ACTL6A: variants seen among roughly 807,000 people sequenced by gnomAD.
ACTL6A encodes the protein actin-like protein 6A.
ACTL6A carries 5 observed loss-of-function variants against 59.2 expected under a neutral mutation model. The ratio of observed to expected loss-of-function variants is 0.08; its 90% CI spans 0.04 to 0.18. The LOEUF (loss-of-function observed/expected upper bound fraction) is 0.18, where lower values mean the gene tolerates loss of function less well. Among genes scored for constraint, ACTL6A ranks in the 10% least tolerant of loss-of-function variants. The pLI, the probability that ACTL6A is intolerant of heterozygous loss-of-function variation, is 1.00. For missense variants in ACTL6A, 285 were observed against 526.9 expected, an observed-to-expected ratio of 0.54 and a Z score of 4.49; for synonymous variants, 154 against 171.8, an observed-to-expected ratio of 0.90 and a Z score of 0.81.
At position 179,573,420 on chromosome 3, in the gene ACTL6A, A is replaced by G; in HGVS notation, c.329A>G (p.His110Arg). ...QAILDHTYKM[H>R]VKSEASLHPV... The stretch of plus-strand genomic sequence containing the variant: ...ATTTTGGATCATACCTACAAAATGC[A>G]TGTCAAATCAGAAGCCAGTCTCCAT... The change falls in exon 4 of 14, where the codon CAT becomes CGT. Residue 110 changes from histidine to arginine, a missense_variant. His to Arg is a conservative substitution (Grantham distance 29). Transcript: ENST00000429709. 2.5e-6 allele frequency: 4 copies of G among 1,590,848 alleles called. No individual in the cohort carries two copies. Among genetic ancestry groups the G allele is most frequent in the Non-Finnish European group, 3.4e-6 (4 of 1,171,604 alleles).
intron 6 of ACTL6A, 99 bp downstream of exon 6, chr3:179,576,410 G>A (rs1355751502): frequency 1.0e-6 from 1 of 990,120 alleles, no homozygotes; most frequent in Non-Finnish European, 1.5e-6. Flanking sequence ...AAGCATATCA[G>A]TTTCTGAATA....
chr3:179,576,201 T>C lies in ACTL6A; in HGVS notation c.477-16T>C. The C allele has an allele frequency of 6.2e-7, 1 of 1,600,918 alleles. No homozygotes were observed. ...AGCGGCCTTGATACTTTCTTTTCCT[T>C]AATGTTTTAAACTAGATTTGCTAAT... On this transcript the variant is annotated splice_polypyrimidine_tract_variant and intron_variant, in intron 5 of 13. Coordinates refer to ENST00000429709, the MANE Select transcript of ACTL6A (RefSeq NM_004301.5).
chr3:179,567,718 G>A (rs1295300088), intron 1 of ACTL6A, among the ~76,000 whole-genome samples: 1 of 152,154 alleles, frequency 6.6e-6, no homozygotes, highest in Non-Finnish European at 1.5e-5. Context: ...GTGCTGTGGT[G>A]AAAACAAATA....
chr3:179,576,775 A>G (rs1718178906), intron 7 of ACTL6A, 49 bp downstream of exon 7: 2 of 1,607,962 alleles, frequency 1.2e-6, no homozygotes, highest in African/African-American at 1.3e-5. Context: ...TAGCTCCCCC[A>G]CCCCTATGAA....
chr3:179,586,257 T>A (rs920619332), intron 12 of ACTL6A, among the ~76,000 whole-genome samples: 8 of 152,186 alleles, frequency 5.3e-5, no homozygotes, highest in African/African-American at 1.9e-4. Context: ...ATGCTTGTTA[T>A]CTTGGCTATT....
At chr3:179,573,507 G>GTTTTTTTTTTTTTTTT in intron 4 of ACTL6A, 38 bp downstream of exon 4, 1 of 962,820 alleles carries the variant, frequency 1.0e-6, no homozygotes, top group South Asian at 2.1e-5. Flanking sequence ...TTCTCTAGTT[G>GTTTTTTTTTTTTTTTT]TTTTTTTTTT....
At chr3:179,581,652 CTACTTTT>C (rs1718342503) in intron 11 of ACTL6A, among the ~76,000 whole-genome samples, 1 of 152,134 alleles carries the variant, frequency 6.6e-6, no homozygotes, top group African/African-American at 2.4e-5. Flanking sequence ...AGCACAACTT[CTACTTTT>C]ATTTTTCAGG....
In ACTL6A at chr3:179,563,390, C is replaced by G. The variant is rs559690550; in HGVS notation, c.25+273C>G. 5.3e-5 allele frequency among the ~76,000 whole-genome samples: 8 copies of G among 152,314 alleles called. No individual in the cohort carries two copies. In the South Asian group the frequency reaches 1.7e-3, roughly 32 times the overall value. ...GGTTTTGGGGTGCGCGCTCGGTTCTCTAGGGAGCCTCGGGGCTGGGCGGGA... is the reference window on the plus strand; with the variant it reads ...GGTTTTGGGGTGCGCGCTCGGTTCTGTAGGGAGCCTCGGGGCTGGGCGGGA... On this transcript the variant is annotated intron_variant, in intron 1 of 13. Coordinates refer to ENST00000429709, the MANE Select transcript of ACTL6A (RefSeq NM_004301.5).
Position 179,570,069 on chromosome 3 carries a change from G to A in ACTL6A, c.105G>A (p.Val35=). The A allele has an allele frequency of 6.2e-7, 1 of 1,612,834 alleles. No homozygotes were observed. Among genetic ancestry groups the A allele is most frequent in the Non-Finnish European group, 8.5e-7 (1 of 1,179,568 alleles). ...TGTCATGTTTCTGACTCTTACAGGT[G>A]GATTTTCCTACAGCTATTGGTATGG... ...AGYAGEDCPK[V]DFPTAIGMVV... is the part of the protein sequence containing the mutation. The change falls in exon 3 of 14, where the codon GTG becomes GTA. Residue 35 remains valine (V), a splice_region_variant and synonymous_variant. Coordinates refer to ENST00000429709, the MANE Select transcript of ACTL6A (RefSeq NM_004301.5). The surrounding 1 kb of genome is among the most constrained non-coding windows in gnomAD (Gnocchi z 4.3).
chr3:179,580,796 C>CTTT, intron 9 of ACTL6A, 95 bp downstream of exon 9: 6 of 1,102,670 alleles, frequency 5.4e-6, no homozygotes, highest in Non-Finnish European at 7.5e-6. Flanking sequence ...TTCTCACTCC[C>CTTT]TTTTTTTTTT....
intron 1 of ACTL6A, among the ~76,000 whole-genome samples, chr3:179,564,060 C>T (rs1009078439): frequency 1.3e-5 from 2 of 152,146 alleles, no homozygotes; most frequent in Admixed American, 6.5e-5. Context: ...GCCCATGGAC[C>T]AGCAGTGTCA....
At chr3:179,586,659 A>G in intron 13 of ACTL6A, 27 bp downstream of exon 13, 1 of 1,522,324 alleles carries the variant, frequency 6.6e-7, no homozygotes. Context: ...CTTTGCAAAA[A>G]TATTCTTACT....
chr3:179,570,998 G>A lies in ACTL6A; in HGVS notation c.277+757G>A, dbSNP rs908353071. Among the ~76,000 whole-genome samples the A allele has an allele frequency of 4.6e-5, 7 of 152,178 alleles. No individual in the cohort carries two copies. The highest frequency in any genetic ancestry group is 1.4e-4 in the African/African-American group (6 of 41,438). ...AGGAGACAAATGGTACTAAATGATC[G>A]AGGGAGTGAAAGCAAGAGAGAAGTT... On this transcript the variant is annotated intron_variant, in intron 3 of 13. Coordinates refer to ENST00000429709, the MANE Select transcript of ACTL6A (RefSeq NM_004301.5). The surrounding 1 kb of genome is among the most constrained non-coding windows in gnomAD (Gnocchi z 4.3).
Position 179,576,717 on chromosome 3 carries a change from T to C in ACTL6A, c.669T>C (p.Ile223=), listed in dbSNP as rs1379958887. The part of the protein sequence containing the change: ...MNIELVPPYM[I]ASKEAVREGS... ...TTGAATTGGTTCCTCCATATATGAT[T>C]GCATCAAAAGTAAGTAATTATTGAA... Residue 223 remains isoleucine, a synonymous_variant, in exon 7 of 14, where the codon ATT becomes ATC. Coordinates refer to ENST00000429709, the MANE Select transcript of ACTL6A (RefSeq NM_004301.5). The C allele has an allele frequency of 1.2e-6, 2 of 1,612,592 alleles. No homozygotes were observed. The highest frequency in any genetic ancestry group is 1.3e-5 in the African/African-American group (1 of 74,886).
chr3:179,574,457 G>C lies in ACTL6A; in HGVS notation c.466G>C (p.Val156Leu). 6.2e-7 allele frequency: 1 copy of C among 1,602,230 alleles called. No homozygotes were observed. The highest frequency in any genetic ancestry group is 8.6e-7 in the Non-Finnish European group (1 of 1,169,328). ...IPAFFLCKTAVLTAFANGRST... is the reference protein window; with the variant it reads ...IPAFFLCKTALLTAFANGRST... ...TGCCTTCTTCCTTTGCAAAACTGCAGTTTTGACAGCGTATCCTTGAAAGAG... is the reference window on the plus strand; with the variant it reads ...TGCCTTCTTCCTTTGCAAAACTGCACTTTTGACAGCGTATCCTTGAAAGAG... Residue 156 changes from valine to leucine, a missense_variant, in exon 5 of 14, where the codon GTT becomes CTT. Physicochemically the swap from Val to Leu is conservative, Grantham distance 32 (BLOSUM62 1). Transcript: ENST00000429709.
At chr3:179,583,514 T>C (rs77798623) in intron 12 of ACTL6A, 66 bp downstream of exon 12, 3 of 1,302,542 alleles carry the variant, frequency 2.3e-6, no homozygotes, top group Non-Finnish European at 2.2e-6. Flanking sequence ...GGTGTAATTT[T>C]GTAGATAAGC....
Position 179,580,635 on chromosome 3 carries a change from C to CA in ACTL6A, c.769-4dup, listed in dbSNP as rs769363038. On this transcript the variant is annotated splice_region_variant and splice_polypyrimidine_tract_variant and intron_variant, in intron 8 of 13. Transcript: ENST00000429709. The stretch of plus-strand genomic sequence containing the variant: ...TTGTTTGTTACTTTTTTCTTTTACT[C>CA]ACAGTGTGTTATCCAGGATTTTCAA... The CA allele has an allele frequency of 2.5e-6, 4 of 1,593,382 alleles. No individual in the cohort carries two copies. Among genetic ancestry groups the CA allele is most frequent in the Middle Eastern group, 1.7e-4 (1 of 6,004 alleles).
Position 179,570,008 on chromosome 3 carries a change from GA to G in ACTL6A, c.103-53del, listed in dbSNP as rs1345251067. 51 of 1,580,794 alleles carry G rather than the reference GA, an allele frequency of 3.2e-5. No individual in the cohort carries two copies. In the Middle Eastern group the frequency reaches 5.1e-4, roughly 16 times the overall value. ...AATATAATAAAATACATTAATTGGG[GA>G]AAAAATGCCTTCTTGATGAAAGGTG... On this transcript the variant is annotated intron_variant, in intron 2 of 13. Coordinates refer to ENST00000429709, the MANE Select transcript of ACTL6A (RefSeq NM_004301.5). This position sits in a 1 kb window ranked among gnomAD's most constrained non-coding sequence, Gnocchi z 4.3.
In ACTL6A at chr3:179,574,385, A is replaced by C; in HGVS notation, c.394A>C (p.Lys132Gln). Residue 132 changes from lysine (K) to glutamine (Q), a missense_variant, in exon 5 of 14, where the codon AAG becomes CAG. Coordinates refer to ENST00000429709, the MANE Select transcript of ACTL6A (RefSeq NM_004301.5). The stretch of plus-strand genomic sequence containing the variant: ...TCTTCTCAAGTGGAATACTAGAGCA[A>C]AGAGAGAGAAACTGACAGAGTTAAT... ...MSEAPWNTRA[K>Q]REKLTELMFE... is the part of the protein sequence containing the mutation. 1.9e-6 allele frequency: 3 copies of C among 1,611,780 alleles called. No homozygotes were observed. Among genetic ancestry groups the C allele is most frequent in the Non-Finnish European group, 2.5e-6 (3 of 1,178,070 alleles).
Sources: gnomAD v4.1 joint callset for allele counts (sites outside exome capture counted in the v4.1 genomes callset) on GRCh38, gnomAD v4.1.1 for gene constraint, Gnocchi (gnomAD v3.1) non-coding constraint, MANE v1.5 for transcripts, NCBI Gene and HGNC (gene_info 2026-07-23, HGNC 2026-07-21) for gene names.